CNTN2: variants seen among roughly 807,000 people sequenced by gnomAD.
CNTN2 encodes the protein contactin-2.
A neutral mutation model predicts 117.5 loss-of-function variants in CNTN2; 53 were observed. The observed-to-expected ratio is 0.45, with a 90% CI of 0.36 to 0.57. The LOEUF (loss-of-function observed/expected upper bound fraction) is 0.57. CNTN2 is among the 20% of genes least tolerant of loss of function. CNTN2 has a pLI of 0.00. For missense variants in CNTN2, 1,106 were observed against 1,404.3 expected, an observed-to-expected ratio of 0.79 and a Z score of 3.39; for synonymous variants, 530 against 561.7, an observed-to-expected ratio of 0.94 and a Z score of 0.80.
At chr1:205,064,016 G>GT (rs550423426) in intron 10 of CNTN2, among the ~76,000 whole-genome samples, 122 of 151,778 alleles carry the variant, frequency 8.0e-4, no homozygotes, top group Non-Finnish European at 1.4e-3. Flanking sequence ...TTCACTGAGT[G>GT]TGAGTTGAAA....
chr1:205,072,869 A>G (rs1654663710), intron 21 of CNTN2, 199 bp from the exon 22 acceptor site: 1 of 647,748 alleles, frequency 1.5e-6, no homozygotes, highest in Admixed American at 2.9e-5. Context: ...TTCTAGCTTA[A>G]GGAGTCTACG....
intron 10 of CNTN2, 132 bp from the exon 11 acceptor site, chr1:205,064,190 C>A: frequency 2.0e-6 from 2 of 977,594 alleles, no homozygotes; most frequent in Non-Finnish European, 1.5e-6. Flanking sequence ...GAAAAAAGGG[C>A]TTGGTTCTGG....
intron 18 of CNTN2, 61 bp downstream of exon 18, chr1:205,070,122 G>A (rs1654514873): frequency 1.3e-6 from 2 of 1,526,462 alleles, no homozygotes; most frequent in South Asian, 2.3e-5. Flanking sequence ...CAGGGATGTG[G>A]GGTGGGGGAA....
At position 205,058,159 on chromosome 1, in the gene CNTN2, C is replaced by T. The variant is rs201643635; in HGVS notation, c.216-22C>T. The T allele has an allele frequency of 1.6e-5, 25 of 1,592,006 alleles. No individual in the cohort carries two copies. Among genetic ancestry groups the T allele is most frequent in the Non-Finnish European group, 2.1e-5 (24 of 1,168,974 alleles). On this transcript the variant is annotated intron_variant, in intron 3 of 22. Coordinates refer to ENST00000331830, the MANE Select transcript of CNTN2 (RefSeq NM_005076.5). This position sits in a 1 kb window ranked among gnomAD's most constrained non-coding sequence, Gnocchi z 4.3. ...CCACCAGGCAGGACTCAGAGGTCCC[C>T]TTCCTCTGTCCCCTGCTGCAGGTGG... is the stretch of plus-strand genomic sequence containing the variant.
intron 2 of CNTN2, among the ~76,000 whole-genome samples, chr1:205,055,808 A>C (rs904791392): frequency 6.6e-6 from 1 of 152,208 alleles, no homozygotes; most frequent in African/African-American, 2.4e-5. Flanking sequence ...AAATAAGAAA[A>C]TGGCAATACC....
chr1:205,068,012 G>A (rs1009418167), intron 16 of CNTN2: 1 of 152,178 alleles, frequency 6.6e-6, no homozygotes, highest in South Asian at 2.1e-4. Flanking sequence ...CTGTGCAGGG[G>A]GCTAGGGAAG....
chr1:205,066,716 A>G, intron 15 of CNTN2, 117 bp downstream of exon 15: 2 of 1,193,074 alleles, frequency 1.7e-6, no homozygotes, highest in Non-Finnish European at 2.3e-6. Flanking sequence ...TGGAGCTTCA[A>G]AGAGGGACAA....
chr1:205,070,022 C>T lies in CNTN2; in HGVS notation c.2392C>T (p.Pro798Ser). Residue 798 changes from proline to serine, a missense_variant, in exon 18 of 23, where the codon CCC becomes TCC. Pro to Ser is a moderately conservative substitution (Grantham distance 74, BLOSUM62 -1). Coordinates refer to ENST00000331830, the MANE Select transcript of CNTN2 (RefSeq NM_005076.5). ...IRSYNRRGDG[P>S]ESLTALVYSA... is the part of the protein sequence containing the mutation. ...CAGCTACAACCGCCGCGGGGATGGG[C>T]CCGAGAGCCTCACTGCACTCGTGTA... is the stretch of plus-strand genomic sequence containing the variant. The T allele has an allele frequency of 3.7e-6, 6 of 1,613,812 alleles. No individual in the cohort carries two copies. Among genetic ancestry groups the T allele is most frequent in the Non-Finnish European group, 4.2e-6 (5 of 1,180,042 alleles).
In CNTN2 at chr1:205,076,791, CCAGA is replaced by C. The variant is rs1291392682; in HGVS notation, c.*3031_*3034del. The C allele has an allele frequency of 6.6e-6, 1 of 152,360 alleles. No homozygotes were observed. The highest frequency in any genetic ancestry group is 1.5e-5 in the Non-Finnish European group (1 of 68,188). 9.4% of individuals were successfully genotyped at this position (152,360 alleles called of 1,614,324 possible). A position where few individuals can be genotyped will look rare whatever the true frequency, so the allele number is the denominator to read the frequency against. ...AGCCTCAGGGGGAAGGCAGCTCTCT[CCAGA>C]CAGAGTCTCAGGGCCCAGCAAGGTC... On this transcript the variant is annotated 3_prime_UTR_variant, in exon 23 of 23. Transcript: ENST00000331830.
rs947401419 is a variant in CNTN2, at chr1:205,048,714, C to T, written c.-86-4386C>T. 2.0e-5 allele frequency among the ~76,000 whole-genome samples: 3 copies of T among 152,162 alleles called. No homozygotes were observed. The highest frequency in any genetic ancestry group is 2.9e-5 in the Non-Finnish European group (2 of 68,028). On this transcript the variant is annotated intron_variant, in intron 1 of 22. Transcript: ENST00000331830. This position sits in a 1 kb window ranked among gnomAD's most constrained non-coding sequence, Gnocchi z 4.1. ...GATGACTGATCGGTGAACTCATGAGCGCATTCTAGGCTGCACTCGGGCGGT... is the reference window on the plus strand; with the variant it reads ...GATGACTGATCGGTGAACTCATGAGTGCATTCTAGGCTGCACTCGGGCGGT...
At chr1:205,069,656 A>G in intron 17 of CNTN2, 95 bp downstream of exon 17, 1 of 1,461,196 alleles carries the variant, frequency 6.8e-7, no homozygotes, top group Non-Finnish European at 9.4e-7. Context: ...TCTGACTCAA[A>G]CGCGGATAAC....
chr1:205,077,724 T>C lies in CNTN2; in HGVS notation c.*3959T>C, dbSNP rs1314906886. The C allele has an allele frequency of 6.6e-6, 1 of 152,264 alleles. No homozygotes were observed. Among genetic ancestry groups the C allele is most frequent in the African/African-American group, 2.4e-5 (1 of 41,452 alleles). 9.4% of individuals were successfully genotyped at this position (152,264 alleles called of 1,614,324 possible). A position where few individuals can be genotyped will look rare whatever the true frequency, so the allele number is the denominator to read the frequency against. ...CTTTGGCCACAGCCCCAGGCAGCCT[T>C]TGGGGCCTATGACACTTAGTGCCCT... On this transcript the variant is annotated 3_prime_UTR_variant, in exon 23 of 23. Coordinates refer to ENST00000331830, the MANE Select transcript of CNTN2 (RefSeq NM_005076.5).
In CNTN2 at chr1:205,061,455, G is replaced by T. The variant is rs527888702; in HGVS notation, c.973+35G>T. 6.5e-7 allele frequency: 1 copy of T among 1,537,058 alleles called. No homozygotes were observed. The highest frequency in any genetic ancestry group is 8.8e-7 in the Non-Finnish European group (1 of 1,136,638). ...CAGGGACACCTTCTCCGCCCCTCCCGACCCCCCTTCCCGCCTTCACCCTTG... is the reference window on the plus strand; with the variant it reads ...CAGGGACACCTTCTCCGCCCCTCCCTACCCCCCTTCCCGCCTTCACCCTTG... On this transcript the variant is annotated intron_variant, in intron 8 of 22. Transcript: ENST00000331830. The surrounding 1 kb of genome is among the most constrained non-coding windows in gnomAD (Gnocchi z 4.8).
rs756380984 is a variant in CNTN2 at position 205,073,786 on chromosome 1, C to T, written c.*21C>T. 8.8e-6 allele frequency: 14 copies of T among 1,599,914 alleles called. No homozygotes were observed. The highest frequency in any genetic ancestry group is 9.4e-6 in the Non-Finnish European group (11 of 1,169,218). ...TCTGATCCTGGAACCCCTCCCTCTG[C>T]GCCGCAGCTGGACGCCACCTCCGAC... On this transcript the variant is annotated 3_prime_UTR_variant, in exon 23 of 23. Transcript: ENST00000331830. The surrounding 1 kb of genome is among the most constrained non-coding windows in gnomAD (Gnocchi z 6.3).
chr1:205,072,977 A>G (rs888858812), intron 21 of CNTN2, 91 bp from the exon 22 acceptor site: 7 of 1,411,680 alleles, frequency 5.0e-6, no homozygotes, highest in Non-Finnish European at 6.8e-6. Context: ...GCCCAGAACC[A>G]TCGGGTCTCC....
chr1:205,065,335 C>A lies in CNTN2; in HGVS notation c.1695+73C>A. 1 of 1,508,522 alleles carries A rather than the reference C, an allele frequency of 6.6e-7. No homozygotes were observed. Among genetic ancestry groups the A allele is most frequent in the Non-Finnish European group, 9.1e-7 (1 of 1,101,022 alleles). The allele number at this position is 1,508,522 out of a possible 1,614,324, so 93.4% of individuals were successfully genotyped here. On this transcript the variant is annotated intron_variant, in intron 13 of 22. Coordinates refer to ENST00000331830, the MANE Select transcript of CNTN2 (RefSeq NM_005076.5). This position sits in a 1 kb window ranked among gnomAD's most constrained non-coding sequence, Gnocchi z 4.1. The stretch of plus-strand genomic sequence containing the variant: ...GACAGGGGCCCCAAGATGTCCTTAG[C>A]CATCCTCACCTTTAAGAAACCCATA...
Position 205,077,904 on chromosome 1 carries a change from C to G in CNTN2, c.*4139C>G, listed in dbSNP as rs745744760. 1 of 152,106 alleles carries G rather than the reference C, an allele frequency of 6.6e-6. No homozygotes were observed. The highest frequency in any genetic ancestry group is 1.5e-5 in the Non-Finnish European group (1 of 68,034). The allele number at this position is 152,106 out of a possible 1,614,324, so 9.4% of individuals were successfully genotyped here. ...AGTGTTTGTTAAAATGGAACCACTC[C>G]CGTTGGCCTACTGTTTCTCTCCTGT... is the stretch of plus-strand genomic sequence containing the variant. On this transcript the variant is annotated 3_prime_UTR_variant, in exon 23 of 23. Transcript: ENST00000331830.
At chr1:205,060,105 C>A (rs1333778716) in intron 7 of CNTN2, 1 of 189,838 alleles carries the variant, frequency 5.3e-6, no homozygotes, top group Non-Finnish European at 1.1e-5. Flanking sequence ...ATAGGGTTGT[C>A]ATGAGGATTA....
At position 205,074,947 on chromosome 1, in the gene CNTN2, T is replaced by G. The variant is rs912500674; in HGVS notation, c.*1182T>G. On this transcript the variant is annotated 3_prime_UTR_variant, in exon 23 of 23. Coordinates refer to ENST00000331830, the MANE Select transcript of CNTN2 (RefSeq NM_005076.5). ...GAAAAAGGGGTTAATAAATGGGCCA[T>G]CCTTTCCTGAGCTCTGGGTATACTA... is the stretch of plus-strand genomic sequence containing the variant. 7 of 398,488 alleles carry G rather than the reference T, an allele frequency of 1.8e-5. No individual in the cohort carries two copies. The highest frequency in any genetic ancestry group is 1.2e-4 in the African/African-American group (6 of 48,588). 24.7% of individuals were successfully genotyped at this position (398,488 alleles called of 1,614,324 possible). A position where few individuals can be genotyped will look rare whatever the true frequency, so the allele number is the denominator to read the frequency against.
Sources: allele counts gnomAD v4.1 joint callset (sites outside exome capture counted in the v4.1 genomes callset), GRCh38; gene constraint gnomAD v4.1.1; non-coding constraint Gnocchi (gnomAD v3.1); transcripts MANE v1.5; gene names NCBI Gene and HGNC (gene_info 2026-07-23, HGNC 2026-07-21).